Variants in HERC1 observed in about 807,000 individuals in gnomAD.
HERC1 encodes probable E3 ubiquitin-protein ligase HERC1.
HERC1 carries 160 observed loss-of-function variants against 554.3 expected under a neutral mutation model. That is an observed-to-expected ratio of 0.29 (90% CI 0.25 to 0.33). The LOEUF (loss-of-function observed/expected upper bound fraction) is 0.33. Ranked by LOEUF, HERC1 falls within the 10% of genes least tolerant of loss-of-function variation. The probability of loss-of-function intolerance (pLI) is 1.00; values close to 1 mark genes in which losing one functional copy is unlikely to be tolerated. For synonymous variants in HERC1, 2,175 were observed against 2,131.7 expected (o/e 1.02, Z -0.56); for missense variants, 4,919 against 5,918.5 (o/e 0.83, Z 5.54).
chr15:63,674,417 G>T lies in HERC1; in HGVS notation c.7771C>A (p.Arg2591=), dbSNP rs1379420634. 1.9e-5 allele frequency: 31 copies of T among 1,613,674 alleles called. No individual in the cohort carries two copies. Among genetic ancestry groups the T allele is most frequent in the Non-Finnish European group, 2.5e-5 (30 of 1,179,854 alleles). Residue 2591 remains arginine (R), a synonymous_variant, in exon 38 of 78, where the codon CGA becomes AGA. Coordinates refer to ENST00000443617, the MANE Select transcript of HERC1 (RefSeq NM_003922.4). ...AATTTATAGATCATGGCTTGCGCTCGTTCCAGATCAGCTAATCCCAATGCT... is the reference window on the plus strand; with the variant it reads ...AATTTATAGATCATGGCTTGCGCTCTTTCCAGATCAGCTAATCCCAATGCT... ...KRALGLADLE[R]AQAMIYKLVV...
intron 14 of HERC1, among the ~76,000 whole-genome samples, chr15:63,732,502 T>C (rs189367942): frequency 6.6e-6 from 1 of 152,258 alleles, no homozygotes; most frequent in East Asian, 1.9e-4. Context: ...TAAGAAACAC[T>C]AGAGATTTAG....
intron 69 of HERC1, 33 bp downstream of exon 69, chr15:63,630,432 AT>A (rs2068496448): frequency 6.3e-7 from 1 of 1,589,498 alleles, no homozygotes; most frequent in African/African-American, 1.3e-5. Flanking sequence ...GATTTCTAGA[AT>A]ATGAGAAAGC....
chr15:63,822,261 T>C (rs570405462), intron 1 of HERC1, among the ~76,000 whole-genome samples: 19 of 152,262 alleles, frequency 1.2e-4, no homozygotes, highest in African/African-American at 4.3e-4. Flanking sequence ...GGCTAGGAAT[T>C]TGGCTGTTCT....
At chr15:63,759,648 T>C (rs1272877664) in intron 3 of HERC1, among the ~76,000 whole-genome samples, 8 of 152,240 alleles carry the variant, frequency 5.3e-5, no homozygotes, top group African/African-American at 1.9e-4. Flanking sequence ...TTAATAGATT[T>C]TTAAATTGAC....
In HERC1 at chr15:63,698,833, A is replaced by G. The variant is rs759532445; in HGVS notation, c.4800T>C (p.Ser1600=). Residue 1600 remains serine (S), a synonymous_variant, in exon 26 of 78, where the codon AGT becomes AGC. Transcript: ENST00000443617. ...TLIENVVSFV[S]GDVGNAPGFK... is the part of the protein sequence containing the mutation. ...AACCTGGGGCATTCCCCACATCTCC[A>G]CTCACAAAGCTTACAACATTTTCAA... 4 of 1,613,904 alleles carry G rather than the reference A, an allele frequency of 2.5e-6. No homozygotes were observed. In the Admixed American group the frequency reaches 6.7e-5, roughly 27 times the overall value.
At chr15:63,768,252 A>G (rs2075844889) in intron 2 of HERC1, among the ~76,000 whole-genome samples, 2 of 152,188 alleles carry the variant, frequency 1.3e-5, no homozygotes, top group Admixed American at 1.3e-4. Flanking sequence ...TCAAATTTCA[A>G]TGTTGACACG....
rs138356587 is a variant in HERC1 at position 63,705,561 on chromosome 15, G to A, written c.4636+1219C>T. 5.3e-5 allele frequency among the ~76,000 whole-genome samples: 8 copies of A among 151,990 alleles called. No homozygotes were observed. In the East Asian group the frequency reaches 1.5e-3, roughly 29 times the overall value. ...TCATTTCTGTTTTTTTTCTATGGAT[G>A]AGAAACCTAACATTCTGCCAAGGAA... On this transcript the variant is annotated intron_variant, in intron 25 of 77. Coordinates refer to ENST00000443617, the MANE Select transcript of HERC1 (RefSeq NM_003922.4).
chr15:63,766,982 C>T (rs1244144198), intron 2 of HERC1, among the ~76,000 whole-genome samples: 2 of 140,282 alleles, frequency 1.4e-5, no homozygotes, highest in Non-Finnish European at 3.1e-5. Context: ...CCAGCCTACA[C>T]TAAAGTTTTA....
intron 1 of HERC1, among the ~76,000 whole-genome samples, chr15:63,789,967 T>G (rs1324644121): frequency 6.6e-6 from 1 of 152,018 alleles, no homozygotes; most frequent in African/African-American, 2.4e-5. Flanking sequence ...AATCAAACTA[T>G]GTAAGTTAAA....
chr15:63,733,680 C>T (rs1322724647), intron 13 of HERC1, among the ~76,000 whole-genome samples: 1 of 151,818 alleles, frequency 6.6e-6, no homozygotes, highest in Non-Finnish European at 1.5e-5. Flanking sequence ...ATAGCAAAAC[C>T]CCCTCTACAA....
intron 25 of HERC1, among the ~76,000 whole-genome samples, chr15:63,703,127 AAG>A (rs1054543095): frequency 3.3e-5 from 5 of 151,980 alleles, no homozygotes; most frequent in Admixed American, 1.3e-4. Flanking sequence ...AAAAAAAAAA[AAG>A]AGTAAATTTA....
chr15:63,683,430 T>C (rs986269002), intron 34 of HERC1, among the ~76,000 whole-genome samples: 16 of 152,200 alleles, frequency 1.1e-4, no homozygotes, highest in African/African-American at 3.6e-4. Flanking sequence ...GATGGAGATA[T>C]AGACATATGC....
rs565508565 is a variant in HERC1, at chr15:63,697,972, A to G, written c.4905+756T>C. ...AATTAATAAATATTTGGGGGAAGAT[A>G]CTTTAAGGCTATGCAAACATCTTAT... is the stretch of plus-strand genomic sequence containing the variant. On this transcript the variant is annotated intron_variant, in intron 26 of 77. Coordinates refer to ENST00000443617, the MANE Select transcript of HERC1 (RefSeq NM_003922.4). 7.9e-5 allele frequency among the ~76,000 whole-genome samples: 12 copies of G among 152,304 alleles called. No individual in the cohort carries two copies. In the East Asian group the frequency reaches 1.3e-3, roughly 17 times the overall value.
chr15:63,667,986 T>C (rs1230095255), intron 40 of HERC1, among the ~76,000 whole-genome samples: 1 of 152,214 alleles, frequency 6.6e-6, no homozygotes, highest in Non-Finnish European at 1.5e-5. Context: ...TCAAAAGTTA[T>C]ATACAGATTT....
Position 63,716,282 on chromosome 15 carries a change from A to C in HERC1, c.4150+20T>G, listed in dbSNP as rs2073552913. On this transcript the variant is annotated intron_variant, in intron 22 of 77. Transcript: ENST00000443617. ...AGCATGCCACAGTTTGTATCTAGAA[A>C]GTAAGAAGGGTATACTCACTGCCAG... is the stretch of plus-strand genomic sequence containing the variant. 2.5e-6 allele frequency: 4 copies of C among 1,577,978 alleles called. No individual in the cohort carries two copies. The highest frequency in any genetic ancestry group is 3.4e-6 in the Non-Finnish European group (4 of 1,163,404).
rs1343431344 is a variant in HERC1, at chr15:63,754,660, C to G, written c.1631-12G>C. 3.1e-6 allele frequency: 5 copies of G among 1,607,650 alleles called. 1 individual carries two copies. In the South Asian group the frequency reaches 5.6e-5, roughly 18 times the overall value. ...GCTGTCACCATGACCTTGGATAAAA[C>G]ACACACAACAACAAAGAAACAACAT... On this transcript the variant is annotated splice_polypyrimidine_tract_variant and intron_variant, in intron 6 of 77. Coordinates refer to ENST00000443617, the MANE Select transcript of HERC1 (RefSeq NM_003922.4).
chr15:63,700,995 T>G (rs2072687547), intron 25 of HERC1, among the ~76,000 whole-genome samples: 1 of 151,974 alleles, frequency 6.6e-6, no homozygotes, highest in Non-Finnish European at 1.5e-5. Flanking sequence ...AATGATAGAT[T>G]CTGGCTCCTC....
rs370917119 is a variant in HERC1, at chr15:63,698,799, G to A, written c.4834C>T (p.Pro1612Ser). Residue 1612 changes from proline (P) to serine (S), a missense_variant, in exon 26 of 78, where the codon CCA becomes TCA. By Grantham distance (74) the Pro-to-Ser change is moderately conservative. Coordinates refer to ENST00000443617, the MANE Select transcript of HERC1 (RefSeq NM_003922.4). ...GGACTTGTAGACATACTTTCCTCTG[G>A]CTCTTTAAAACCTGGGGCATTCCCC... ...DVGNAPGFKE[P>S]EESMSTSPQA... The A allele has an allele frequency of 3.1e-6, 5 of 1,613,710 alleles. No individual in the cohort carries two copies. The highest frequency in any genetic ancestry group is 4.2e-6 in the Non-Finnish European group (5 of 1,179,848).
chr15:63,766,084 G>C (rs1245691303), intron 2 of HERC1, among the ~76,000 whole-genome samples: 2 of 151,668 alleles, frequency 1.3e-5, no homozygotes, highest in Non-Finnish European at 2.9e-5. Flanking sequence ...CAACCTCCTG[G>C]GCTCAAGTGA....
Sources: gnomAD v4.1 joint callset for allele counts (sites outside exome capture counted in the v4.1 genomes callset) on GRCh38, gnomAD v4.1.1 for gene constraint, MANE v1.5 for transcripts, NCBI Gene and HGNC (gene_info 2026-07-23, HGNC 2026-07-21) for gene names.